Variants in PMEPA1 observed in about 807,000 individuals in gnomAD.
The protein encoded by PMEPA1 is protein TMEPAI.
A neutral mutation model predicts 23.0 loss-of-function variants in PMEPA1; 11 were observed. The ratio of observed to expected loss-of-function variants is 0.48; its 90% CI spans 0.30 to 0.79. The LOEUF is 0.79. PMEPA1 is among the 30% of genes least tolerant of loss of function. The probability of loss-of-function intolerance (pLI) is 0.06; values close to 1 mark genes in which losing one functional copy is unlikely to be tolerated. For missense variants in PMEPA1, 377 were observed against 390.9 expected, an observed-to-expected ratio of 0.96 and a Z score of 0.30; for synonymous variants, 204 against 166.4, an observed-to-expected ratio of 1.23 and a Z score of -1.74.
rs1461291577 is a variant in PMEPA1, at chr20:57,701,217, T to C, written c.109+8257A>G. ...TTAGAATGTGCTGGAGCATTAGGAA[T>C]AGCTGATCACCACCTGATACCGCCG... On this transcript the variant is annotated intron_variant, in intron 1 of 3. Transcript: ENST00000341744. Among the ~76,000 whole-genome samples, 11 of 152,286 alleles carry C rather than the reference T, an allele frequency of 7.2e-5. No homozygotes were observed. In the East Asian group the frequency reaches 2.1e-3, roughly 29 times the overall value.
intron 1 of PMEPA1, among the ~76,000 whole-genome samples, chr20:57,677,859 C>T (rs996058481): frequency 1.3e-5 from 2 of 152,162 alleles, no homozygotes; most frequent in Admixed American, 6.5e-5. Context: ...TGGAACACTA[C>T]GCAGCAACAA....
At chr20:57,664,370 C>T (rs1382330348) in intron 1 of PMEPA1, among the ~76,000 whole-genome samples, 1 of 152,224 alleles carries the variant, frequency 6.6e-6, no homozygotes, top group East Asian at 1.9e-4. Flanking sequence ...GCATGGGCTC[C>T]CTCCCCACAC....
rs773914831 is a variant in PMEPA1 at position 57,659,546 on chromosome 20, G to A, written c.261C>T (p.Ser87=). 1.5e-5 allele frequency: 25 copies of A among 1,613,756 alleles called. No individual in the cohort carries two copies. The South Asian group carries it at 2.6e-4, about 17-fold the overall frequency. ...SQGRRREDAL[S]SEGCLWPSES... is the part of the protein sequence containing the mutation. Reference sequence around the variant, plus strand: ...GATGGGATGGCGGGGCACTTACTGAGGACAGGGCATCTTCTCTCCTCCGCC... The same window carrying A: ...GATGGGATGGCGGGGCACTTACTGAAGACAGGGCATCTTCTCTCCTCCGCC... Residue 87 remains serine (S), a synonymous_variant, in exon 2 of 4, where the codon TCC becomes TCT. Transcript: ENST00000341744.
intron 2 of PMEPA1, among the ~76,000 whole-genome samples, chr20:57,654,833 G>A (rs367990647): frequency 2.6e-5 from 4 of 152,134 alleles, no homozygotes; most frequent in South Asian, 4.1e-4. Flanking sequence ...CAGAGGCTGC[G>A]AGTGCCGCTG....
At position 57,704,508 on chromosome 20, in the gene PMEPA1, G is replaced by T. The variant is rs933661079; in HGVS notation, c.109+4966C>A. Among the ~76,000 whole-genome samples the T allele has an allele frequency of 1.3e-5, 2 of 152,198 alleles. No homozygotes were observed. Among genetic ancestry groups the T allele is most frequent in the East Asian group, 3.8e-4 (2 of 5,198 alleles). On this transcript the variant is annotated intron_variant, in intron 1 of 3. Transcript: ENST00000341744. The surrounding 1 kb of genome is among the most constrained non-coding windows in gnomAD (Gnocchi z 4.6). ...ATCTCCTTCTCTCAGCATGTGCACC[G>T]TACAGAACCCGAGGCTGGCAGCAGC...
chr20:57,694,858 T>G (rs1037942167), intron 1 of PMEPA1, among the ~76,000 whole-genome samples: 1 of 152,156 alleles, frequency 6.6e-6, no homozygotes, highest in Non-Finnish European at 1.5e-5. Flanking sequence ...TATCTCTAGA[T>G]GAAAAATAGG....
Position 57,656,744 on chromosome 20 carries a change from G to A in PMEPA1, c.264+2799C>T, listed in dbSNP as rs1231249737. 2.6e-5 allele frequency among the ~76,000 whole-genome samples: 4 copies of A among 152,192 alleles called. No homozygotes were observed. ...TGAGATGGTGAGGCAGGTGGGTGAG[G>A]CACGAGCTCTTGTCTCCATACAGGC... On this transcript the variant is annotated intron_variant, in intron 2 of 3. Transcript: ENST00000341744. The surrounding 1 kb of genome is among the most constrained non-coding windows in gnomAD (Gnocchi z 4.7).
chr20:57,708,954 G>GAGCCACGC (rs1025854337), intron 1 of PMEPA1, among the ~76,000 whole-genome samples: 3 of 151,788 alleles, frequency 2.0e-5, no homozygotes, highest in African/African-American at 7.3e-5. Flanking sequence ...GACCCAGACA[G>GAGCCACGC]AGCCACGCAG....
intron 1 of PMEPA1, chr20:57,690,331 C>A (rs1048550623): frequency 2.2e-6 from 2 of 927,230 alleles, no homozygotes; most frequent in African/African-American, 3.4e-5. Flanking sequence ...CCACTGCCAC[C>A]CGCCCTGCAT....
At chr20:57,663,452 G>A (rs114538153) in intron 1 of PMEPA1, among the ~76,000 whole-genome samples, 2 of 152,272 alleles carry the variant, frequency 1.3e-5, no homozygotes, top group African/African-American at 4.8e-5. Flanking sequence ...GTGGGCAGCA[G>A]GATGTGCGGG....
intron 1 of PMEPA1, chr20:57,700,071 T>C (rs550418605): frequency 2.1e-6 from 1 of 471,260 alleles, no homozygotes. Context: ...GATTTGTCAC[T>C]TTCATGCTCC....
chr20:57,708,984 G>A (rs1231876174), intron 1 of PMEPA1, among the ~76,000 whole-genome samples: 2 of 151,676 alleles, frequency 1.3e-5, no homozygotes, highest in Admixed American at 6.6e-5. Flanking sequence ...CTCCACAGAC[G>A]CACGGACATC....
chr20:57,669,459 C>A (rs1169433759), intron 1 of PMEPA1, among the ~76,000 whole-genome samples: 1 of 152,210 alleles, frequency 6.6e-6, no homozygotes, highest in Non-Finnish European at 1.5e-5. Flanking sequence ...CCGCACCCAA[C>A]TGAAGCTCAT....
rs918081953 is a variant in PMEPA1 at position 57,648,728 on chromosome 20, T to C, written c.*3325A>G. 4 of 152,132 alleles carry C rather than the reference T, an allele frequency of 2.6e-5. No homozygotes were observed. Among genetic ancestry groups the C allele is most frequent in the African/African-American group, 7.2e-5 (3 of 41,426 alleles). The allele number at this position is 152,132 out of a possible 1,614,324, so 9.4% of individuals were successfully genotyped here. A position where few individuals can be genotyped will look rare whatever the true frequency, so the allele number is the denominator to read the frequency against. ...GGCTGTGTCCTTCTGAGCTCTATAG[T>C]ACAGCAAGATTTCAAGCAGTTTCCA... On this transcript the variant is annotated 3_prime_UTR_variant, in exon 4 of 4. Coordinates refer to ENST00000341744, the MANE Select transcript of PMEPA1 (RefSeq NM_020182.5).
Position 57,653,082 on chromosome 20 carries a change from C to A in PMEPA1, c.269G>T (p.Gly90Val), listed in dbSNP as rs1369377992. 1.3e-6 allele frequency: 2 copies of A among 1,585,014 alleles called. No individual in the cohort carries two copies. Among genetic ancestry groups the A allele is most frequent in the South Asian group, 1.2e-5 (1 of 86,748 alleles). ...TGTGCTCTCCGAGGGCCACAGGCAT[C>A]CTTCCTGCACAGGAAGAAACGTACA... Reference protein sequence around the residue: ...RRREDALSSEGCLWPSESTVS... With the variant: ...RRREDALSSEVCLWPSESTVS... Residue 90 changes from glycine (G) to valine (V), a missense_variant, in exon 3 of 4, where the codon GGA becomes GTA. Physicochemically the swap from Gly to Val is moderately radical, Grantham distance 109. Coordinates refer to ENST00000341744, the MANE Select transcript of PMEPA1 (RefSeq NM_020182.5).
At chr20:57,696,602 C>T (rs1234160604) in intron 1 of PMEPA1, among the ~76,000 whole-genome samples, 4 of 152,208 alleles carry the variant, frequency 2.6e-5, no homozygotes, top group Admixed American at 6.5e-5. Flanking sequence ...CAAAAAGCCG[C>T]GACGTCACCG....
intron 1 of PMEPA1, among the ~76,000 whole-genome samples, chr20:57,684,137 C>G (rs1450429863): frequency 1.3e-5 from 2 of 152,210 alleles, no homozygotes; most frequent in Non-Finnish European, 2.9e-5. Context: ...CCACGCCTGA[C>G]TCCCCCTCCC....
rs1203744881 is a variant in PMEPA1 at position 57,683,789 on chromosome 20, C to A, written c.110-24092G>T. The stretch of plus-strand genomic sequence containing the variant: ...AGAGGGAAGGACTAGAGCCCAGCAG[C>A]TCTCAGAGTTCTTGGAGTTCTCGGC... On this transcript the variant is annotated intron_variant, in intron 1 of 3. Coordinates refer to ENST00000341744, the MANE Select transcript of PMEPA1 (RefSeq NM_020182.5). The surrounding 1 kb of genome is among the most constrained non-coding windows in gnomAD (Gnocchi z 4.3). 6.6e-6 allele frequency among the ~76,000 whole-genome samples: 1 copy of A among 151,912 alleles called. No homozygotes were observed. Among genetic ancestry groups the A allele is most frequent in the Non-Finnish European group, 1.5e-5 (1 of 67,984 alleles).
chr20:57,687,915 G>T (rs1309315397), intron 1 of PMEPA1, among the ~76,000 whole-genome samples: 1 of 152,054 alleles, frequency 6.6e-6, no homozygotes, highest in Non-Finnish European at 1.5e-5. Context: ...TAGTCTATGG[G>T]TTCCCTGTCC....
Sources: allele counts gnomAD v4.1 joint callset (sites outside exome capture counted in the v4.1 genomes callset), GRCh38; gene constraint gnomAD v4.1.1; non-coding constraint Gnocchi (gnomAD v3.1); transcripts MANE v1.5; gene names NCBI Gene and HGNC (gene_info 2026-07-23, HGNC 2026-07-21).